HDAC9: variants seen among roughly 807,000 people sequenced by gnomAD.
HDAC9 encodes the protein MEF-2 interacting transcription repressor (MITR) protein.
HDAC9 carries 41 observed loss-of-function variants against 139.4 expected under a neutral mutation model. The ratio of observed to expected loss-of-function variants is 0.29; its 90% CI spans 0.23 to 0.38. HDAC9 has a LOEUF of 0.38. HDAC9 is among the 10% of genes least tolerant of loss of function. HDAC9 has a pLI of 1.00. For missense variants in HDAC9, 1,147 were observed against 1,297.0 expected (o/e 0.88, Z 1.78); for synonymous variants, 517 against 476.2 (o/e 1.09, Z -1.12).
chr7:18,491,239 A>G (rs1468388328), upstream of HDAC9, among the ~76,000 whole-genome samples: 1 of 151,944 alleles, frequency 6.6e-6, no homozygotes. Context: ...TTTACATTTT[A>G]AAAGGGGGTT....
At chr7:18,093,917 A>G (rs1387788353) in intron 1 of HDAC9, among the ~76,000 whole-genome samples, 3 of 152,142 alleles carry the variant, frequency 2.0e-5, no homozygotes. Flanking sequence ...GATCAGAATC[A>G]TTGGCCCAGA....
At chr7:18,410,921 A>AAAGAAG (rs1277190261) in intron 1 of HDAC9, among the ~76,000 whole-genome samples, 1 of 152,232 alleles carries the variant, frequency 6.6e-6, no homozygotes, top group Non-Finnish European at 1.5e-5. Context: ...GCTCAATGTT[A>AAAGAAG]TAGGAAAGAA....
intron 8 of HDAC9, among the ~76,000 whole-genome samples, chr7:18,640,857 G>A (rs1381938089): frequency 1.3e-5 from 2 of 151,996 alleles, no homozygotes; most frequent in African/African-American, 4.8e-5. Context: ...AGATGTCCTG[G>A]TGCCCTTCAA....
At chr7:18,237,376 T>A (rs1793893221) in intron 2 of HDAC9, among the ~76,000 whole-genome samples, 1 of 152,126 alleles carries the variant, frequency 6.6e-6, no homozygotes, top group African/African-American at 2.4e-5. Flanking sequence ...TGCTGTGGAG[T>A]GACTTCAATT....
intron 1 of HDAC9, among the ~76,000 whole-genome samples, chr7:18,477,864 A>C (rs1390072211): frequency 6.6e-6 from 1 of 152,108 alleles, no homozygotes; most frequent in Non-Finnish European, 1.5e-5. Context: ...TGGTGTATTT[A>C]TTAATATATT....
At chr7:18,218,762 T>C (rs1792487086) in intron 2 of HDAC9, among the ~76,000 whole-genome samples, 2 of 152,202 alleles carry the variant, frequency 1.3e-5, no homozygotes, top group South Asian at 4.1e-4. Context: ...TATGTTTGCT[T>C]AGTATCCATT....
At chr7:18,840,596 G>A (rs546743566) in intron 21 of HDAC9, among the ~76,000 whole-genome samples, 1 of 152,106 alleles carries the variant, frequency 6.6e-6, no homozygotes, top group Admixed American at 6.6e-5. Flanking sequence ...TCTAAATTTA[G>A]GCATTACTAA....
intron 1 of HDAC9, among the ~76,000 whole-genome samples, chr7:18,389,741 G>A (rs1786280885): frequency 6.6e-6 from 1 of 152,120 alleles, no homozygotes; most frequent in African/African-American, 2.4e-5. Flanking sequence ...TTAATGATTA[G>A]ATGATAAGGG....
intron 1 of HDAC9, among the ~76,000 whole-genome samples, chr7:18,147,531 T>G (rs1215928314): frequency 6.6e-6 from 1 of 152,164 alleles, no homozygotes; most frequent in Non-Finnish European, 1.5e-5. Context: ...TTGTTTATTT[T>G]TTTATTATGA....
intron 2 of HDAC9, among the ~76,000 whole-genome samples, chr7:18,254,347 G>C (rs1424206294): frequency 6.6e-6 from 1 of 152,158 alleles, no homozygotes; most frequent in Non-Finnish European, 1.5e-5. Flanking sequence ...TCTTCTCTAA[G>C]ACTTGATTGC....
chr7:18,577,108 C>G (rs73309583), intron 2 of HDAC9, among the ~76,000 whole-genome samples: 4,183 of 152,222 alleles, frequency 0.027, 190 homozygotes, highest in African/African-American at 0.096. Context: ...TTTTTAGTCT[C>G]ATTTACATCT....
At chr7:18,638,963 A>G (rs1784739169) in intron 8 of HDAC9, among the ~76,000 whole-genome samples, 1 of 152,030 alleles carries the variant, frequency 6.6e-6, no homozygotes, top group Non-Finnish European at 1.5e-5. Context: ...ATATGTTTCC[A>G]TGGATATCAA....
chr7:18,166,146 T>A (rs1787999671), intron 2 of HDAC9, among the ~76,000 whole-genome samples: 1 of 152,226 alleles, frequency 6.6e-6, no homozygotes, highest in Non-Finnish European at 1.5e-5. Context: ...TCCAAAGGAA[T>A]TTTCCAAGCA....
intron 22 of HDAC9, among the ~76,000 whole-genome samples, chr7:18,928,540 A>G (rs946777701): frequency 2.6e-5 from 4 of 152,216 alleles, no homozygotes; most frequent in Non-Finnish European, 2.9e-5. Flanking sequence ...ACACTAGGCT[A>G]TTATTTGCTA....
In HDAC9 at chr7:18,095,235, C is replaced by G. The variant is rs530687806; in HGVS notation, c.-97+8022C>G. ...TGCTTCCCCTGATTACTACAACACACTGAGATCTCATTCCTCTCTGAATTC... is the reference window on the plus strand; with the variant it reads ...TGCTTCCCCTGATTACTACAACACAGTGAGATCTCATTCCTCTCTGAATTC... On this transcript the variant is annotated intron_variant, in intron 1 of 12. Coordinates refer to the HDAC9 transcript ENST00000417496. Among the ~76,000 whole-genome samples the G allele has an allele frequency of 7.2e-5, 11 of 152,244 alleles. No homozygotes were observed. In the East Asian group the frequency reaches 2.1e-3, roughly 29 times the overall value.
At chr7:18,238,164 G>A (rs939402196) in intron 2 of HDAC9, among the ~76,000 whole-genome samples, 2 of 152,124 alleles carry the variant, frequency 1.3e-5, no homozygotes, top group Non-Finnish European at 2.9e-5. Flanking sequence ...CTTCCATAAT[G>A]ATAAGGAAAT....
At chr7:18,407,739 A>G (rs1231400620) in intron 1 of HDAC9, among the ~76,000 whole-genome samples, 4 of 152,180 alleles carry the variant, frequency 2.6e-5, no homozygotes, top group Non-Finnish European at 4.4e-5. Context: ...TGTTTTTCAT[A>G]TGTCAATTAA....
At chr7:18,514,302 A>T (rs1199591446) in intron 2 of HDAC9, among the ~76,000 whole-genome samples, 1 of 152,262 alleles carries the variant, frequency 6.6e-6, no homozygotes, top group African/African-American at 2.4e-5. Flanking sequence ...CTTATAGCTT[A>T]GAACTATTTA....
intron 1 of HDAC9, among the ~76,000 whole-genome samples, chr7:18,411,320 A>G (rs1219459410): frequency 6.6e-6 from 1 of 152,202 alleles, no homozygotes; most frequent in Non-Finnish European, 1.5e-5. Flanking sequence ...GCAAATACAC[A>G]ATCATTCTGT....
Sources: allele counts gnomAD v4.1 joint callset (sites outside exome capture counted in the v4.1 genomes callset), GRCh38; gene constraint gnomAD v4.1.1; transcripts MANE v1.5; gene names NCBI Gene and HGNC (gene_info 2026-07-23, HGNC 2026-07-21).